ZNF613: variants seen among roughly 807,000 people sequenced by gnomAD.
ZNF613 encodes zinc finger protein 613.
A neutral mutation model predicts 14.3 loss-of-function variants in ZNF613; 8 were observed. The observed-to-expected ratio is 0.56, with a 90% confidence interval of 0.33 to 1.01. The LOEUF (loss-of-function observed/expected upper bound fraction) is 1.01. Ranked by LOEUF, ZNF613 falls within the 50% of genes least tolerant of loss-of-function variation. The probability of loss-of-function intolerance (pLI) is 0.03; values close to 1 mark genes in which losing one functional copy is unlikely to be tolerated. For missense variants in ZNF613, 656 were observed against 741.9 expected (o/e 0.88, Z 1.35); for synonymous variants, 228 against 254.5 (o/e 0.90, Z 0.99).
At chr19:51,934,277 G>C (rs1479480649) in intron 2 of ZNF613, among the ~76,000 whole-genome samples, 1 of 151,998 alleles carries the variant, frequency 6.6e-6, no homozygotes, top group Non-Finnish European at 1.5e-5. Flanking sequence ...TACCTACTCT[G>C]CCATTTTTAC....
At chr19:51,934,612 G>A (rs1266632560) in intron 2 of ZNF613, among the ~76,000 whole-genome samples, 1 of 152,042 alleles carries the variant, frequency 6.6e-6, no homozygotes, top group Non-Finnish European at 1.5e-5. Context: ...AGAATTTATG[G>A]AAATTTTCTT....
At chr19:51,935,862 T>G (rs147804462) in intron 2 of ZNF613, among the ~76,000 whole-genome samples, 166 bp from the exon 3 acceptor site, 66 of 152,332 alleles carry the variant, frequency 4.3e-4, no homozygotes, top group African/African-American at 1.5e-3. Context: ...TAGAATCTTA[T>G]GTTTTGTTGC....
intron 3 of ZNF613, among the ~76,000 whole-genome samples, chr19:51,939,836 A>G (rs2085333283): frequency 6.6e-6 from 1 of 152,124 alleles, no homozygotes; most frequent in Admixed American, 6.5e-5. Flanking sequence ...TTGAAGATTC[A>G]TGATGAATAA....
intron 1 of ZNF613, among the ~76,000 whole-genome samples, chr19:51,928,949 T>C (rs1207265510): frequency 6.6e-6 from 1 of 152,152 alleles, no homozygotes; most frequent in Non-Finnish European, 1.5e-5. Context: ...TTCGTTCTTC[T>C]TCCTCAGGTT....
intron 3 of ZNF613, 57 bp from the exon 4 acceptor site, chr19:51,940,152 T>C (rs10411484): frequency 0.12 from 192,290 of 1,595,056 alleles, 14,448 homozygotes; most frequent in African/African-American, 0.29. Context: ...GTTCTTCACA[T>C]TTCTTCCATA....
At chr19:51,933,221 T>C (rs764648628) in intron 2 of ZNF613, among the ~76,000 whole-genome samples, 3 of 152,208 alleles carry the variant, frequency 2.0e-5, no homozygotes, top group Non-Finnish European at 4.4e-5. Context: ...CGAGTGCTTT[T>C]GAATGGTATA....
chr19:51,943,965 G>T (rs1480970025), intron 5 of ZNF613, among the ~76,000 whole-genome samples, 154 bp from the exon 6 acceptor site: 1 of 152,112 alleles, frequency 6.6e-6, no homozygotes, highest in Non-Finnish European at 1.5e-5. Flanking sequence ...AATTATAATG[G>T]TTTATTCTTG....
At chr19:51,942,518 A>G (rs1316656621) in intron 5 of ZNF613, among the ~76,000 whole-genome samples, 2 of 152,140 alleles carry the variant, frequency 1.3e-5, no homozygotes, top group African/African-American at 4.8e-5. Flanking sequence ...ACAAAATAGC[A>G]GGTCCAAAGG....
chr19:51,944,768 A>AG lies in ZNF613; in HGVS notation c.887dup (p.Phe297LeufsTer9). On this transcript the variant is annotated frameshift_variant, in exon 6 of 6. Coordinates refer to ENST00000293471, the MANE Select transcript of ZNF613 (RefSeq NM_001031721.4). LOFTEE classifies it low-confidence loss of function (END_TRUNC). ...CATATATATGCAGTGATTGTGGAAA[A>AG]GGCTTCATCAAGAAGTCTCGGCTCA... is the stretch of plus-strand genomic sequence containing the variant. 6.2e-7 allele frequency: 1 copy of AG among 1,613,538 alleles called. No individual in the cohort carries two copies. The highest frequency in any genetic ancestry group is 8.5e-7 in the Non-Finnish European group (1 of 1,179,922).
At chr19:51,937,905 A>G (rs1210942768) in intron 3 of ZNF613, among the ~76,000 whole-genome samples, 3 of 151,560 alleles carry the variant, frequency 2.0e-5, no homozygotes, top group Non-Finnish European at 4.4e-5. Context: ...TAATTTTTGT[A>G]TTTTTAGTAG....
chr19:51,945,007 G>A lies in ZNF613; in HGVS notation c.1124G>A (p.Arg375His), dbSNP rs138253136. The A allele has an allele frequency of 2.2e-4, 359 of 1,614,170 alleles. No homozygotes were observed. In the African/African-American group the frequency reaches 4.0e-3, roughly 18 times the overall value. The change falls in exon 6 of 6, where the codon CGT becomes CAT. Residue 375 changes from arginine (R) to histidine (H), a missense_variant. Transcript: ENST00000293471. ...AHTGEKSYIC[R>H]DCGKGFIQKG... Reference sequence around the variant, plus strand: ...ACAGGAGAGAAGTCATATATATGCCGTGATTGTGGAAAAGGCTTCATTCAG... The same window carrying A: ...ACAGGAGAGAAGTCATATATATGCCATGATTGTGGAAAAGGCTTCATTCAG...
chr19:51,930,117 C>T (rs1416008205), intron 2 of ZNF613, among the ~76,000 whole-genome samples: 2 of 152,182 alleles, frequency 1.3e-5, no homozygotes, highest in South Asian at 2.1e-4. Context: ...TATGCCCTAC[C>T]ACTAAGTAAT....
rs200315831 is a variant in ZNF613 at position 51,927,494 on chromosome 19, G to GA, written c.-402dup. The GA allele has an allele frequency of 7.5e-3, 1,147 of 152,344 alleles. 14 individuals are homozygous for GA. The highest frequency in any genetic ancestry group is 0.027 in the African/African-American group (1,104 of 41,474). 9.4% of individuals were successfully genotyped at this position (152,344 alleles called of 1,614,324 possible). ...AGGGCCCAGAAGTGGAATAATTCAGGAAAGTGCAGGTTCTGGGAAGTCTCG... is the reference window on the plus strand; with the variant it reads ...AGGGCCCAGAAGTGGAATAATTCAGGAAAAGTGCAGGTTCTGGGAAGTCTCG... On this transcript the variant is annotated 5_prime_UTR_variant, in exon 1 of 6. Transcript: ENST00000293471.
At chr19:51,940,422 G>T in intron 4 of ZNF613, 87 bp downstream of exon 4, 1 of 1,605,536 alleles carries the variant, frequency 6.2e-7, no homozygotes, top group South Asian at 1.1e-5. Flanking sequence ...GAGGGCCTGT[G>T]GTGCTCTGAA....
intron 2 of ZNF613, among the ~76,000 whole-genome samples, chr19:51,931,125 G>A (rs923412936): frequency 2.0e-5 from 3 of 152,184 alleles, no homozygotes; most frequent in African/African-American, 4.8e-5. Flanking sequence ...ATTTCTGGAT[G>A]TGTGTACTTC....
Position 51,944,282 on chromosome 19 carries a change from G to C in ZNF613, c.399G>C (p.Gly133=), listed in dbSNP as rs750745334. 11 of 1,599,886 alleles carry C rather than the reference G, an allele frequency of 6.9e-6. No individual in the cohort carries two copies. In the Admixed American group the frequency reaches 1.9e-4, roughly 28 times the overall value. ...RQNHDTFDLH[G]KILKSNLSLV... ...ATCATGATACATTTGACTTACATGG[G>C]AAAATACTGAAATCAAATTTAAGTT... is the stretch of plus-strand genomic sequence containing the variant. The change falls in exon 6 of 6, where the codon GGG becomes GGC. Residue 133 remains glycine, a synonymous_variant. Transcript: ENST00000293471.
Position 51,944,951 on chromosome 19 carries a change from A to C in ZNF613, c.1068A>C (p.Lys356Asn), listed in dbSNP as rs2085383680. 2 of 1,614,006 alleles carry C rather than the reference A, an allele frequency of 1.2e-6. No homozygotes were observed. Among genetic ancestry groups the C allele is most frequent in the African/African-American group, 2.7e-5 (2 of 74,906 alleles). ...AATGTGACAAAGCATTCCGCTGGAA[A>C]TCACAGCTCAATGCACATCAGAAAG... ...CTECDKAFRWKSQLNAHQKAH... is the reference protein window; with the variant it reads ...CTECDKAFRWNSQLNAHQKAH... The change falls in exon 6 of 6, where the codon AAA (lysine) becomes AAC (asparagine). Residue 356 changes from lysine (K) to asparagine (N), a missense_variant. By Grantham distance (94) the Lys-to-Asn change is moderately conservative (BLOSUM62 0). Coordinates refer to ENST00000293471, the MANE Select transcript of ZNF613 (RefSeq NM_001031721.4).
At chr19:51,940,759 G>T in intron 5 of ZNF613, 50 bp downstream of exon 5, 2 of 1,516,126 alleles carry the variant, frequency 1.3e-6, no homozygotes, top group Non-Finnish European at 1.8e-6. Flanking sequence ...CAAGTCACAT[G>T]ATAGTTGTTC....
chr19:51,933,194 A>G (rs577867936), intron 2 of ZNF613, among the ~76,000 whole-genome samples: 46 of 152,256 alleles, frequency 3.0e-4, no homozygotes, highest in African/African-American at 1.1e-3. Flanking sequence ...TGGCTTTTAT[A>G]TATTCCTCAG....
Sources: allele counts gnomAD v4.1 joint callset (sites outside exome capture counted in the v4.1 genomes callset), GRCh38; gene constraint gnomAD v4.1.1; transcripts MANE v1.5; gene names NCBI Gene and HGNC (gene_info 2026-07-23, HGNC 2026-07-21).